RAB11FIP3: variants seen among roughly 807,000 people sequenced by gnomAD.
The protein encoded by RAB11FIP3 is RAB11 family interacting protein 3, also known as rab11 family-interacting protein 3.
In RAB11FIP3, 17 loss-of-function variants were observed where a neutral mutation model predicts 77.8. The ratio of observed to expected loss-of-function variants is 0.22; its 90% CI spans 0.15 to 0.33. The LOEUF is 0.33. Ranked by LOEUF, RAB11FIP3 falls within the 10% of genes least tolerant of loss-of-function variation. The pLI, the probability that RAB11FIP3 is intolerant of heterozygous loss-of-function variation, is 1.00. For missense variants in RAB11FIP3, 1,005 were observed against 1,011.2 expected (o/e 0.99, Z 0.08); for synonymous variants, 437 against 448.2 (o/e 0.98, Z 0.31).
chr16:497,235 C>G (rs998702005), intron 6 of RAB11FIP3: 1 of 1,295,194 alleles, frequency 7.7e-7, no homozygotes, highest in African/African-American at 1.5e-5. Flanking sequence ...CAAGGTGAGT[C>G]GAAGGTGAGG....
intron 5 of RAB11FIP3, among the ~76,000 whole-genome samples, chr16:493,753 C>T (rs964684295): frequency 1.6e-4 from 23 of 148,060 alleles, no homozygotes; most frequent in African/African-American, 5.0e-4. Flanking sequence ...ACTACAGGCG[C>T]CCATCACCAC....
chr16:520,312 T>C (rs1454081307), intron 12 of RAB11FIP3, 35 bp downstream of exon 12: 2 of 1,548,106 alleles, frequency 1.3e-6, no homozygotes, highest in Non-Finnish European at 1.7e-6. Flanking sequence ...CTCACACTCC[T>C]GCAGAAGCTT....
At chr16:512,267 G>A (rs944720055) in intron 9 of RAB11FIP3, among the ~76,000 whole-genome samples, 3 of 152,084 alleles carry the variant, frequency 2.0e-5, no homozygotes, top group African/African-American at 2.4e-5. Context: ...TTGAGATGGA[G>A]TCTTGCTCTG....
intron 5 of RAB11FIP3, among the ~76,000 whole-genome samples, chr16:494,105 T>TG (rs1596275226): frequency 2.0e-5 from 1 of 50,218 alleles, no homozygotes; most frequent in Non-Finnish European, 3.8e-5. Flanking sequence ...GGTTTCACCA[T>TG]GTCTCAATCT....
At chr16:503,174 C>G in intron 7 of RAB11FIP3, 77 bp downstream of exon 7, 1 of 1,229,448 alleles carries the variant, frequency 8.1e-7, no homozygotes, top group Non-Finnish European at 1.2e-6. Flanking sequence ...CTGCAGACAC[C>G]CCGGGAGGTG....
chr16:491,217 T>C (rs922272231), intron 5 of RAB11FIP3: 4 of 1,304,892 alleles, frequency 3.1e-6, no homozygotes, highest in Non-Finnish European at 4.0e-6. Context: ...CACAAACAAA[T>C]CAACCGCCTT....
chr16:471,248 T>A lies in RAB11FIP3; in HGVS notation c.809-47T>A. 1 of 1,534,904 alleles carries A rather than the reference T, an allele frequency of 6.5e-7. No individual in the cohort carries two copies. Among genetic ancestry groups the A allele is most frequent in the Non-Finnish European group, 9.0e-7 (1 of 1,110,752 alleles). On this transcript the variant is annotated intron_variant, in intron 2 of 13. Transcript: ENST00000262305. The surrounding 1 kb of genome is among the most constrained non-coding windows in gnomAD (Gnocchi z 4.4). ...CCGAGGCCGCCAGGGGTCCCGTCAC[T>A]GGGTGGCTATGGGTGGCCTGTTGAG...
Position 434,840 on chromosome 16 carries a change from G to A in RAB11FIP3, c.714+8120G>A, listed in dbSNP as rs369243139. On this transcript the variant is annotated intron_variant, in intron 1 of 13. Transcript: ENST00000262305. The stretch of plus-strand genomic sequence containing the variant: ...GCACTTTGGGAAGCCGAGGTGGGCA[G>A]ATCACTTGATGTCAGGAGTTTAAGA... Among the ~76,000 whole-genome samples the A allele has an allele frequency of 7.2e-5, 11 of 152,186 alleles. No homozygotes were observed. The East Asian group carries it at 2.1e-3, about 30-fold the overall frequency.
chr16:455,061 C>CA (rs1246738930), intron 1 of RAB11FIP3, among the ~76,000 whole-genome samples: 1 of 139,524 alleles, frequency 7.2e-6, no homozygotes, highest in Non-Finnish European at 1.5e-5. Context: ...AAAAAAAAAA[C>CA]AAAAAAACTA....
At chr16:493,264 A>G (rs1439324672) in intron 5 of RAB11FIP3, among the ~76,000 whole-genome samples, 1 of 151,982 alleles carries the variant, frequency 6.6e-6, no homozygotes, top group Non-Finnish European at 1.5e-5. Context: ...AAAAAAAAAA[A>G]AAAAAAAGAC....
At chr16:496,684 C>A in intron 5 of RAB11FIP3, 140 bp from the exon 6 acceptor site, 1 of 787,902 alleles carries the variant, frequency 1.3e-6, no homozygotes, top group Non-Finnish European at 2.1e-6. Context: ...TGTGCATGGA[C>A]TTGCCTGGGG....
chr16:465,381 T>G (rs1038386067), intron 2 of RAB11FIP3, among the ~76,000 whole-genome samples: 1 of 152,176 alleles, frequency 6.6e-6, no homozygotes, highest in African/African-American at 2.4e-5. Flanking sequence ...CAGCCTGTAC[T>G]TCTTGGTCCA....
intron 8 of RAB11FIP3, 100 bp from the exon 9 acceptor site, chr16:510,560 A>G: frequency 7.4e-7 from 1 of 1,350,482 alleles, no homozygotes; most frequent in Non-Finnish European, 9.8e-7. Context: ...TCCCGAGTGG[A>G]GGCAGGTTCT....
chr16:493,282 A>C, intron 5 of RAB11FIP3, among the ~76,000 whole-genome samples: 1 of 150,936 alleles, frequency 6.6e-6, no homozygotes, highest in East Asian at 1.9e-4. Context: ...GACTCTACCA[A>C]GTGGTTAATA....
chr16:507,540 T>A lies in RAB11FIP3; in HGVS notation c.1499+1913T>A, dbSNP rs1034648927. Among the ~76,000 whole-genome samples, 13 of 152,324 alleles carry A rather than the reference T, an allele frequency of 8.5e-5. No individual in the cohort carries two copies. In the South Asian group the frequency reaches 1.2e-3, roughly 15 times the overall value. ...GAAATCAGAGGCGTGAGCCACCATG[T>A]CCAGCCTAGATGCCTTTGTCGAGTT... is the stretch of plus-strand genomic sequence containing the variant. On this transcript the variant is annotated intron_variant, in intron 8 of 13. Transcript: ENST00000262305. The surrounding 1 kb of genome is among the most constrained non-coding windows in gnomAD (Gnocchi z 4.6).
chr16:450,366 T>A (rs1182330671), intron 1 of RAB11FIP3, among the ~76,000 whole-genome samples: 1 of 152,046 alleles, frequency 6.6e-6, no homozygotes, highest in Non-Finnish European at 1.5e-5. Context: ...TGGTAGATAT[T>A]TTTGTATTTT....
intron 9 of RAB11FIP3, among the ~76,000 whole-genome samples, chr16:515,995 G>A (rs551480894): frequency 1.3e-5 from 2 of 152,250 alleles, no homozygotes; most frequent in African/African-American, 4.8e-5. Context: ...AACACCTGAG[G>A]CCAGGGGTCT....
intron 9 of RAB11FIP3, among the ~76,000 whole-genome samples, chr16:511,769 G>T (rs1253157724): frequency 8.9e-6 from 1 of 112,088 alleles, no homozygotes; most frequent in Non-Finnish European, 1.7e-5. Flanking sequence ...TGCAGGCCAG[G>T]CAGGAGAGGT....
At chr16:499,987 A>C (rs1223763898) in intron 6 of RAB11FIP3, among the ~76,000 whole-genome samples, 5 of 152,206 alleles carry the variant, frequency 3.3e-5, no homozygotes, top group African/African-American at 1.2e-4. Flanking sequence ...CGCTTCTCAC[A>C]GTTCTCAGCC....
Sources: allele counts gnomAD v4.1 joint callset (sites outside exome capture counted in the v4.1 genomes callset), GRCh38; gene constraint gnomAD v4.1.1; non-coding constraint Gnocchi (gnomAD v3.1); transcripts MANE v1.5; gene names NCBI Gene and HGNC (gene_info 2026-07-23, HGNC 2026-07-21).